SLC1A3: variants seen among roughly 807,000 people sequenced by gnomAD.
SLC1A3 encodes solute carrier family 1 member 3.
A neutral mutation model predicts 48.1 loss-of-function variants in SLC1A3; 21 were observed. The observed-to-expected ratio is 0.44, with a 90% confidence interval of 0.31 to 0.63. The LOEUF (loss-of-function observed/expected upper bound fraction) is 0.63, where lower values mean the gene tolerates loss of function less well. Among genes scored for constraint, SLC1A3 ranks in the 20% least tolerant of loss-of-function variants. The pLI is 0.08. For synonymous variants in SLC1A3, 239 were observed against 251.4 expected, an observed-to-expected ratio of 0.95 and a Z score of 0.47; for missense variants, 546 against 689.0, an observed-to-expected ratio of 0.79 and a Z score of 2.32.
intron 1 of SLC1A3, among the ~76,000 whole-genome samples, chr5:36,600,629 T>C (rs1738797130): frequency 6.6e-6 from 1 of 152,172 alleles, no homozygotes; most frequent in Admixed American, 6.5e-5. Context: ...TGCATTTGCT[T>C]CTTCTATGAC....
At chr5:36,659,682 C>T (rs1415393365) in intron 3 of SLC1A3, among the ~76,000 whole-genome samples, 4 of 152,132 alleles carry the variant, frequency 2.6e-5, no homozygotes, top group African/African-American at 4.8e-5. Context: ...CAAATCACCC[C>T]GCTAGATAAT....
At chr5:36,632,464 T>C (rs1740171503) in intron 3 of SLC1A3, among the ~76,000 whole-genome samples, 1 of 152,216 alleles carries the variant, frequency 6.6e-6, no homozygotes, top group Non-Finnish European at 1.5e-5. Context: ...TGTTTACTGC[T>C]GACTAAACAA....
At chr5:36,668,241 G>A (rs894530125) in intron 3 of SLC1A3, 1 of 152,260 alleles carries the variant, frequency 6.6e-6, no homozygotes, top group Non-Finnish European at 1.5e-5. Context: ...CATATTTCTT[G>A]AGGTTGGGGA....
chr5:36,675,593 G>C (rs962909165), intron 5 of SLC1A3, among the ~76,000 whole-genome samples: 6 of 152,164 alleles, frequency 3.9e-5, no homozygotes, highest in Non-Finnish European at 8.8e-5. Context: ...GAGTCTAAGG[G>C]GAATGAGTTA....
chr5:36,680,711 A>C lies in SLC1A3; in HGVS notation c.1289+122A>C, dbSNP rs940535955. The C allele has an allele frequency of 2.1e-5, 17 of 797,708 alleles. 1 individual carries two copies. In the South Asian group the frequency reaches 2.2e-4, roughly 10 times the overall value. 49.4% of individuals were successfully genotyped at this position (797,708 alleles called of 1,614,324 possible). A position where few individuals can be genotyped will look rare whatever the true frequency, so the allele number is the denominator to read the frequency against. ...GGCGGGTGGATCTCCTGAGGCCAGG[A>C]GTTCAAGACTAGCCTGGCAACATAG... is the stretch of plus-strand genomic sequence containing the variant. On this transcript the variant is annotated intron_variant, in intron 8 of 9. Coordinates refer to ENST00000265113, the MANE Select transcript of SLC1A3 (RefSeq NM_004172.5).
At chr5:36,639,377 C>A (rs1056191085) in intron 3 of SLC1A3, among the ~76,000 whole-genome samples, 1 of 152,208 alleles carries the variant, frequency 6.6e-6, no homozygotes, top group African/African-American at 2.4e-5. Flanking sequence ...AGCTTACACA[C>A]AAATATACCA....
intron 3 of SLC1A3, among the ~76,000 whole-genome samples, chr5:36,631,645 T>C (rs888512191): frequency 3.3e-5 from 5 of 152,242 alleles, no homozygotes; most frequent in African/African-American, 1.2e-4. Context: ...TCCAGGACTG[T>C]GCTAAGGCAA....
chr5:36,615,040 AT>A (rs1739374668), intron 2 of SLC1A3, among the ~76,000 whole-genome samples: 1 of 152,142 alleles, frequency 6.6e-6, no homozygotes. Context: ...AATACCTTTC[AT>A]TTTTGTGGTG....
chr5:36,613,151 C>T (rs1739277916), intron 2 of SLC1A3: 1 of 233,280 alleles, frequency 4.3e-6, no homozygotes, highest in African/African-American at 2.3e-5. Context: ...CACCGAGGTG[C>T]ATATACAATG....
rs1005481631 is a variant in SLC1A3 at position 36,618,831 on chromosome 5, A to G, written c.181+10227A>G. Among the ~76,000 whole-genome samples, 13 of 152,328 alleles carry G rather than the reference A, an allele frequency of 8.5e-5. No homozygotes were observed. In the East Asian group the frequency reaches 2.5e-3, roughly 29 times the overall value. Reference sequence around the variant, plus strand: ...GCAACAAGTCCTGCTTTTAATTGCTATTTCTGGAATAGAAGATTTTTAAAA... The same window carrying G: ...GCAACAAGTCCTGCTTTTAATTGCTGTTTCTGGAATAGAAGATTTTTAAAA... On this transcript the variant is annotated intron_variant, in intron 2 of 9. Coordinates refer to ENST00000265113, the MANE Select transcript of SLC1A3 (RefSeq NM_004172.5).
chr5:36,677,225 G>A (rs762889135), intron 6 of SLC1A3, 41 bp downstream of exon 6: 3 of 1,555,726 alleles, frequency 1.9e-6, no homozygotes, highest in African/African-American at 1.4e-5. Context: ...ATACGAGATG[G>A]TTATTGCCAT....
Position 36,676,943 on chromosome 5 carries a change from G to A in SLC1A3, c.619G>A (p.Glu207Lys), listed in dbSNP as rs541689509. 23 of 1,613,968 alleles carry A rather than the reference G, an allele frequency of 1.4e-5. No individual in the cohort carries two copies. Among genetic ancestry groups the A allele is most frequent in the Middle Eastern group, 1.7e-4 (1 of 6,060 alleles). ...RSFKVPIQAN[E>K]TLVGAVINNV... ...CTTTAAAGTGCCCATCCAGGCCAAC[G>A]AAACGCTTGTGGGTGCTGTGATAAA... The change falls in exon 6 of 10, where the codon GAA (glutamate) becomes AAA (lysine). Residue 207 changes from glutamate (E) to lysine (K), a missense_variant. Around this residue, in one of 3 missense-constraint regions of SLC1A3, gnomAD observed 348 missense variants for 392.0 expected, o/e 0.89. Transcript: ENST00000265113.
chr5:36,636,282 C>G (rs1740348095), intron 3 of SLC1A3: 1 of 152,070 alleles, frequency 6.6e-6, no homozygotes, highest in Non-Finnish European at 1.5e-5. Flanking sequence ...GAGATGGACT[C>G]ATGATTGCAG....
intron 3 of SLC1A3, among the ~76,000 whole-genome samples, chr5:36,637,070 G>A (rs1005400289): frequency 6.6e-6 from 1 of 152,204 alleles, no homozygotes; most frequent in African/African-American, 2.4e-5. Context: ...TAAGCAAAGT[G>A]TCCCAGTGCT....
intron 3 of SLC1A3, chr5:36,670,682 C>T (rs1039337567): frequency 3.9e-5 from 15 of 388,224 alleles, no homozygotes; most frequent in African/African-American, 6.2e-5. Context: ...CTCACACACG[C>T]ACTACTCACA....
intron 3 of SLC1A3, among the ~76,000 whole-genome samples, chr5:36,647,782 T>C (rs1740895549): frequency 2.0e-5 from 3 of 152,242 alleles, no homozygotes; most frequent in Admixed American, 6.5e-5. Flanking sequence ...ATCCATTTTG[T>C]TTTATTTTTG....
intron 2 of SLC1A3, among the ~76,000 whole-genome samples, chr5:36,610,196 C>G (rs148725291): frequency 1.6e-3 from 248 of 152,288 alleles, no homozygotes; most frequent in African/African-American, 5.6e-3. Flanking sequence ...TCTATTCTTC[C>G]TCTGCTCTGC....
At chr5:36,678,658 G>T (rs2111963756) in intron 6 of SLC1A3, among the ~76,000 whole-genome samples, 1 of 152,302 alleles carries the variant, frequency 6.6e-6, no homozygotes, top group African/African-American at 2.4e-5. Context: ...ATGTGAGTTT[G>T]GTTGTAGTTT....
At chr5:36,618,019 T>C (rs1345021360) in intron 2 of SLC1A3, among the ~76,000 whole-genome samples, 1 of 152,240 alleles carries the variant, frequency 6.6e-6, no homozygotes, top group African/African-American at 2.4e-5. Context: ...GCCTCGGTAC[T>C]GTACTGCCTC....
Sources: allele counts gnomAD v4.1 joint callset (sites outside exome capture counted in the v4.1 genomes callset), GRCh38; gene constraint gnomAD v4.1.1; regional missense constraint gnomAD v4.1.1; transcripts MANE v1.5; gene names NCBI Gene and HGNC (gene_info 2026-07-23, HGNC 2026-07-21).